SLC4A10: variants seen among roughly 807,000 people sequenced by gnomAD.
SLC4A10 encodes solute carrier family 4 member 10, also known as sodium-driven chloride bicarbonate exchanger.
Under a neutral mutation model 137.7 loss-of-function variants are expected in SLC4A10, and 42 were observed. That is an observed-to-expected ratio of 0.30 (90% CI 0.24 to 0.39). The LOEUF (loss-of-function observed/expected upper bound fraction) is 0.39. SLC4A10 is among the 10% of genes least tolerant of loss of function. SLC4A10 has a pLI of 1.00. For missense variants in SLC4A10, 925 were observed against 1,355.0 expected (o/e 0.68, Z 4.98); for synonymous variants, 474 against 464.1 (o/e 1.02, Z -0.27).
At chr2:161,652,825 A>G (rs2036989442) in intron 1 of SLC4A10, among the ~76,000 whole-genome samples, 2 of 146,228 alleles carry the variant, frequency 1.4e-5, no homozygotes, top group Admixed American at 7.0e-5. Flanking sequence ...CATTTATAGA[A>G]TGCTTCATAC....
intron 3 of SLC4A10, among the ~76,000 whole-genome samples, chr2:161,839,132 A>C (rs1224980481): frequency 6.6e-6 from 1 of 152,238 alleles, no homozygotes; most frequent in African/African-American, 2.4e-5. Flanking sequence ...TCAGCTATGA[A>C]AAAGAATGAA....
chr2:161,747,558 G>A (rs954162944), intron 1 of SLC4A10, among the ~76,000 whole-genome samples: 1 of 152,128 alleles, frequency 6.6e-6, no homozygotes, highest in Non-Finnish European at 1.5e-5. Context: ...GTGCTTTCTT[G>A]TGTGGGCAGT....
intron 16 of SLC4A10, among the ~76,000 whole-genome samples, chr2:161,947,339 T>G (rs1693998546): frequency 6.6e-6 from 1 of 152,248 alleles, no homozygotes; most frequent in Non-Finnish European, 1.5e-5. Context: ...ACATTTAAAT[T>G]TAAAAAGCAG....
intron 1 of SLC4A10, among the ~76,000 whole-genome samples, chr2:161,649,424 A>T (rs2036502647): frequency 6.6e-6 from 1 of 152,164 alleles, no homozygotes; most frequent in Non-Finnish European, 1.5e-5. Context: ...TAAAAATTGG[A>T]TTTCTTTAGA....
At chr2:161,636,304 G>A (rs1183591725) in intron 1 of SLC4A10, among the ~76,000 whole-genome samples, 1 of 152,082 alleles carries the variant, frequency 6.6e-6, no homozygotes, top group African/African-American at 2.4e-5. Flanking sequence ...TATCTATGTT[G>A]TGAATGACAG....
intron 15 of SLC4A10, among the ~76,000 whole-genome samples, chr2:161,915,059 G>A (rs1449803812): frequency 6.6e-6 from 1 of 151,894 alleles, no homozygotes; most frequent in Non-Finnish European, 1.5e-5. Flanking sequence ...ACTACCTAAG[G>A]CCCACCCAAC....
intron 13 of SLC4A10, 80 bp from the exon 14 acceptor site, chr2:161,904,696 T>G (rs1314660221): frequency 1.3e-6 from 2 of 1,527,744 alleles, no homozygotes. Flanking sequence ...CACATATCCA[T>G]GTATTTTAAA....
At chr2:161,975,933 C>G (rs561992554) in intron 24 of SLC4A10, among the ~76,000 whole-genome samples, 1 of 152,198 alleles carries the variant, frequency 6.6e-6, no homozygotes, top group African/African-American at 2.4e-5. Context: ...GGGGACAGAG[C>G]CTTTAGGCCA....
intron 23 of SLC4A10, among the ~76,000 whole-genome samples, chr2:161,969,267 A>G (rs1203416988): frequency 6.6e-6 from 1 of 152,188 alleles, no homozygotes; most frequent in Non-Finnish European, 1.5e-5. Context: ...AAGCAGAATA[A>G]ATAGCTACAC....
rs867490529 is a variant in SLC4A10 at position 161,684,099 on chromosome 2, G to T, written c.48+59533G>T. 2.1e-4 allele frequency among the ~76,000 whole-genome samples: 32 copies of T among 152,156 alleles called. No individual in the cohort carries two copies. The Middle Eastern group carries it at 0.014, about 65-fold the overall frequency. ...TTCTTCTTTCTTTCTTCATGAATTT[G>T]ATGACTCTAAGTAATTCATATAAGT... On this transcript the variant is annotated intron_variant, in intron 1 of 26. Transcript: ENST00000446997.
intron 10 of SLC4A10, among the ~76,000 whole-genome samples, chr2:161,890,884 A>C (rs1199336814): frequency 3.3e-5 from 5 of 151,720 alleles, no homozygotes; most frequent in African/African-American, 1.2e-4. Flanking sequence ...CTGTTTCTTC[A>C]TAGTGTCAAT....
chr2:161,729,146 T>C (rs1322697419), intron 1 of SLC4A10, among the ~76,000 whole-genome samples: 1 of 152,116 alleles, frequency 6.6e-6, no homozygotes, highest in Non-Finnish European at 1.5e-5. Flanking sequence ...AAGGCAAAGA[T>C]GTCAAATATC....
chr2:161,918,294 T>G (rs1194472259), intron 15 of SLC4A10, among the ~76,000 whole-genome samples: 3 of 152,064 alleles, frequency 2.0e-5, no homozygotes, highest in Non-Finnish European at 4.4e-5. Context: ...TACCTGAGAT[T>G]ATAGTCATGC....
chr2:161,738,212 C>A (rs2047537212), intron 1 of SLC4A10, among the ~76,000 whole-genome samples: 2 of 152,176 alleles, frequency 1.3e-5, no homozygotes, highest in South Asian at 2.1e-4. Context: ...GAAGGTACTT[C>A]TTTTTGTTAC....
intron 15 of SLC4A10, among the ~76,000 whole-genome samples, chr2:161,935,001 A>G (rs565103467): frequency 1.3e-5 from 2 of 152,258 alleles, no homozygotes; most frequent in African/African-American, 4.8e-5. Context: ...CCAAAAAAAA[A>G]TTATGCAGAC....
intron 1 of SLC4A10, among the ~76,000 whole-genome samples, chr2:161,714,601 T>TC (rs2044645964): frequency 6.6e-6 from 1 of 151,910 alleles, no homozygotes; most frequent in Non-Finnish European, 1.5e-5. Context: ...CTCATCTTTT[T>TC]CCCCAAATTC....
intron 1 of SLC4A10, among the ~76,000 whole-genome samples, chr2:161,673,396 T>G (rs1262279762): frequency 6.6e-6 from 1 of 152,162 alleles, no homozygotes; most frequent in African/African-American, 2.4e-5. Context: ...TTCCCAAATG[T>G]AGGTAGTATT....
chr2:161,642,674 T>C (rs1236723519), intron 1 of SLC4A10, among the ~76,000 whole-genome samples: 1 of 151,992 alleles, frequency 6.6e-6, no homozygotes, highest in African/African-American at 2.4e-5. Flanking sequence ...GGCTTTCCCG[T>C]CTTTTAAGAA....
chr2:161,832,899 C>T (rs919216685), intron 3 of SLC4A10, among the ~76,000 whole-genome samples: 3 of 152,166 alleles, frequency 2.0e-5, no homozygotes, highest in Non-Finnish European at 4.4e-5. Context: ...TGCCACCACG[C>T]CTGGCTAATT....
Sources: gnomAD v4.1 joint callset for allele counts (sites outside exome capture counted in the v4.1 genomes callset) on GRCh38, gnomAD v4.1.1 for gene constraint, MANE v1.5 for transcripts, NCBI Gene and HGNC (gene_info 2026-07-23, HGNC 2026-07-21) for gene names.